PIP5K1B: variants seen among roughly 807,000 people sequenced by gnomAD.
The protein encoded by PIP5K1B is phosphatidylinositol-4-phosphate 5-kinase type 1 beta.
In PIP5K1B, 42 loss-of-function variants were observed where a neutral mutation model predicts 67.0. The observed-to-expected ratio is 0.63, with a 90% CI of 0.49 to 0.81. The LOEUF is 0.81. Ranked by LOEUF, PIP5K1B falls within the 30% of genes least tolerant of loss-of-function variation. The pLI, the probability that PIP5K1B is intolerant of heterozygous loss-of-function variation, is 0.00. For missense variants in PIP5K1B, 459 were observed against 646.3 expected, an observed-to-expected ratio of 0.71 and a Z score of 3.14; for synonymous variants, 214 against 231.4, an observed-to-expected ratio of 0.92 and a Z score of 0.68.
At chr9:68,896,040 C>T (rs1215158024) in intron 8 of PIP5K1B, among the ~76,000 whole-genome samples, 2 of 152,170 alleles carry the variant, frequency 1.3e-5, no homozygotes, top group African/African-American at 4.8e-5. Context: ...AGGGAAGGAG[C>T]AGTAGGAACC....
chr9:68,771,910 GTATTTAGTT>G (rs1420721509), intron 2 of PIP5K1B, among the ~76,000 whole-genome samples: 2 of 152,146 alleles, frequency 1.3e-5, no homozygotes, highest in Non-Finnish European at 2.9e-5. Flanking sequence ...AAATACAGTT[GTATTTAGTT>G]TATAAATTTG....
At chr9:68,996,920 A>T (rs1830623329) in intron 15 of PIP5K1B, among the ~76,000 whole-genome samples, 1 of 152,144 alleles carries the variant, frequency 6.6e-6, no homozygotes, top group South Asian at 2.1e-4. Flanking sequence ...TTCCATATTA[A>T]CATCCTCTCA....
chr9:68,814,178 T>C (rs1385509875), intron 2 of PIP5K1B, among the ~76,000 whole-genome samples: 1 of 152,166 alleles, frequency 6.6e-6, no homozygotes, highest in East Asian at 1.9e-4. Context: ...CAGTCTTCCC[T>C]TCTTACAGGA....
chr9:68,796,272 CCA>C (rs1832288709), intron 2 of PIP5K1B, among the ~76,000 whole-genome samples: 1 of 151,792 alleles, frequency 6.6e-6, no homozygotes, highest in Non-Finnish European at 1.5e-5. Context: ...TGTGGATGTA[CCA>C]CAGTTAATCC....
chr9:68,998,111 C>A (rs1425325265), intron 15 of PIP5K1B, among the ~76,000 whole-genome samples: 2 of 147,308 alleles, frequency 1.4e-5, no homozygotes, highest in East Asian at 4.0e-4. Flanking sequence ...ATCTCTGTTG[C>A]CCAGGCAGAA....
At chr9:68,863,302 T>G (rs888567390) in intron 4 of PIP5K1B, among the ~76,000 whole-genome samples, 7 of 152,204 alleles carry the variant, frequency 4.6e-5, no homozygotes, top group African/African-American at 1.7e-4. Flanking sequence ...ATAAAAAGTA[T>G]GACACACTTC....
chr9:68,794,899 G>A (rs1832202717), intron 2 of PIP5K1B, among the ~76,000 whole-genome samples: 1 of 152,088 alleles, frequency 6.6e-6, no homozygotes, highest in African/African-American at 2.4e-5. Context: ...CTTGTGGGTT[G>A]GGAAGTCTGT....
At chr9:68,789,491 G>A in intron 2 of PIP5K1B, 1 of 520,382 alleles carries the variant, frequency 1.9e-6, no homozygotes, top group Admixed American at 2.0e-5. Flanking sequence ...TCTTGTGGTG[G>A]TAAACACTTA....
chr9:68,726,237 G>A (rs895864340), intron 1 of PIP5K1B, among the ~76,000 whole-genome samples: 5 of 151,924 alleles, frequency 3.3e-5, no homozygotes, highest in African/African-American at 4.8e-5. Context: ...AATCTCATGC[G>A]CCCCATAAAT....
chr9:68,857,456 C>T (rs1181036620), intron 4 of PIP5K1B, among the ~76,000 whole-genome samples: 1 of 152,142 alleles, frequency 6.6e-6, no homozygotes, highest in Non-Finnish European at 1.5e-5. Flanking sequence ...GAATCTATCC[C>T]TGTTTCTTTC....
At chr9:68,960,139 G>A (rs1221745862) in intron 14 of PIP5K1B, among the ~76,000 whole-genome samples, 2 of 152,180 alleles carry the variant, frequency 1.3e-5, no homozygotes, top group Non-Finnish European at 2.9e-5. Flanking sequence ...TTATGCTAAC[G>A]TCACTCATAA....
chr9:68,754,646 C>G (rs11143619), intron 2 of PIP5K1B, among the ~76,000 whole-genome samples: 19,339 of 152,072 alleles, frequency 0.13, 1,379 homozygotes, highest in Non-Finnish European at 0.16. Context: ...ATTTTATTTT[C>G]AGGTGATTCT....
intron 14 of PIP5K1B, among the ~76,000 whole-genome samples, chr9:68,946,338 C>G (rs760855463): frequency 6.6e-6 from 1 of 152,122 alleles, no homozygotes. Flanking sequence ...ATGATGCACT[C>G]GTTGATGCTA....
Position 69,005,162 on chromosome 9 carries a change from C to G in PIP5K1B, c.1621-3285C>G, listed in dbSNP as rs117141387. 2.3e-3 allele frequency among the ~76,000 whole-genome samples: 353 copies of G among 151,688 alleles called. 7 individuals carry two copies. Among genetic ancestry groups the G allele is most frequent in the East Asian group, 3.9e-3 (20 of 5,170 alleles). On this transcript the variant is annotated intron_variant, in intron 15 of 15. Transcript: ENST00000265382. ...AAACTTCCTGTGTGCATGCAAAGGA[C>G]ATTTTATGACCAAAGCTGGAAATCA...
At chr9:68,810,535 T>C (rs1163323192) in intron 2 of PIP5K1B, among the ~76,000 whole-genome samples, 3 of 152,204 alleles carry the variant, frequency 2.0e-5, no homozygotes, top group African/African-American at 2.4e-5. Flanking sequence ...TGTCTACAGA[T>C]TGGCCTACTT....
At chr9:68,845,876 T>C (rs911023875) in intron 4 of PIP5K1B, among the ~76,000 whole-genome samples, 14 of 152,198 alleles carry the variant, frequency 9.2e-5, no homozygotes, top group African/African-American at 3.4e-4. Flanking sequence ...GTTATGGAGA[T>C]TCTTGAAAAA....
At chr9:68,800,113 G>A (rs998865410) in intron 2 of PIP5K1B, among the ~76,000 whole-genome samples, 4 of 152,204 alleles carry the variant, frequency 2.6e-5, no homozygotes, top group African/African-American at 7.2e-5. Context: ...ACATACATGA[G>A]CCTGGCCTTC....
intron 14 of PIP5K1B, among the ~76,000 whole-genome samples, chr9:68,954,626 C>T (rs1394006291): frequency 6.6e-6 from 1 of 152,196 alleles, no homozygotes; most frequent in African/African-American, 2.4e-5. Flanking sequence ...TGATTGGTAT[C>T]TCATCATGAG....
chr9:68,938,063 A>T (rs547188367), intron 13 of PIP5K1B, among the ~76,000 whole-genome samples: 1 of 152,208 alleles, frequency 6.6e-6, no homozygotes, highest in Admixed American at 6.5e-5. Context: ...GCTGAGAAGA[A>T]TGTATATTCT....
Sources: allele counts gnomAD v4.1 joint callset (sites outside exome capture counted in the v4.1 genomes callset), GRCh38; gene constraint gnomAD v4.1.1; transcripts MANE v1.5; gene names NCBI Gene and HGNC (gene_info 2026-07-23, HGNC 2026-07-21).